DOCK1: variants seen among roughly 807,000 people sequenced by gnomAD.
DOCK1 encodes the protein dedicator of cytokinesis protein 1.
A neutral mutation model predicts 262.7 loss-of-function variants in DOCK1; 138 were observed. That is an observed-to-expected ratio of 0.53 (90% confidence interval 0.46 to 0.61). DOCK1 has a LOEUF of 0.61. Among genes scored for constraint, DOCK1 ranks in the 20% least tolerant of loss-of-function variants. The probability of loss-of-function intolerance (pLI) is 0.00; values close to 1 mark genes in which losing one functional copy is unlikely to be tolerated. For synonymous variants in DOCK1, 866 were observed against 867.4 expected, an observed-to-expected ratio of 1.00 and a Z score of 0.03; for missense variants, 1,908 against 2,370.7, an observed-to-expected ratio of 0.80 and a Z score of 4.05.
chr10:127,400,618 T>G (rs2067166341), intron 38 of DOCK1, among the ~76,000 whole-genome samples: 1 of 152,226 alleles, frequency 6.6e-6, no homozygotes, highest in Non-Finnish European at 1.5e-5. Flanking sequence ...AAAATGGGTA[T>G]AATGCAGATG....
chr10:126,999,198 T>C (rs1278761749), intron 8 of DOCK1, among the ~76,000 whole-genome samples, 156 bp from the exon 9 acceptor site: 1 of 152,188 alleles, frequency 6.6e-6, no homozygotes, highest in Non-Finnish European at 1.5e-5. Flanking sequence ...GGATGTTAAT[T>C]GATGAGTAGC....
intron 1 of DOCK1, among the ~76,000 whole-genome samples, chr10:126,938,039 C>T (rs2097994166): frequency 1.3e-5 from 2 of 148,896 alleles, no homozygotes; most frequent in Admixed American, 6.8e-5. Context: ...TAGAAGAGTC[C>T]AGCTTCATCT....
chr10:127,182,933 C>G (rs1288313759), intron 27 of DOCK1, among the ~76,000 whole-genome samples: 2 of 152,102 alleles, frequency 1.3e-5, no homozygotes, highest in Non-Finnish European at 2.9e-5. Context: ...TGGGGCCCAT[C>G]AGAGGCGGGA....
rs115961615 is a variant in DOCK1 at position 126,915,740 on chromosome 10, C to T, written c.46+10177C>T. Among the ~76,000 whole-genome samples the T allele has an allele frequency of 8.6e-3, 1,310 of 152,246 alleles. 10 individuals are homozygous for T. Among genetic ancestry groups the T allele is most frequent in the African/African-American group, 0.028 (1,160 of 41,520 alleles). Reference sequence around the variant, plus strand: ...TGCTGGGATTACAGGCGTGAGCCACCGTGCCTGGCCTCAGTGTGTCCTGTC... The same window carrying T: ...TGCTGGGATTACAGGCGTGAGCCACTGTGCCTGGCCTCAGTGTGTCCTGTC... On this transcript the variant is annotated intron_variant, in intron 1 of 51. Coordinates refer to ENST00000623213, the MANE Select transcript of DOCK1 (RefSeq NM_001290223.2).
intron 16 of DOCK1, among the ~76,000 whole-genome samples, chr10:127,028,924 C>A (rs1225661757): frequency 6.6e-6 from 1 of 152,120 alleles, no homozygotes; most frequent in African/African-American, 2.4e-5. Flanking sequence ...ACCTTGAGGC[C>A]CACGGAGGAA....
At chr10:127,419,876 G>A (rs2068395738) in intron 46 of DOCK1, 127 bp downstream of exon 46, 2 of 1,012,916 alleles carry the variant, frequency 2.0e-6, no homozygotes, top group Non-Finnish European at 2.9e-6. Context: ...GGCTGTGATT[G>A]TCCCTGGGTG....
At chr10:127,097,991 C>G (rs1415321539) in intron 23 of DOCK1, among the ~76,000 whole-genome samples, 1 of 152,182 alleles carries the variant, frequency 6.6e-6, no homozygotes, top group African/African-American at 2.4e-5. Flanking sequence ...GGGGACATCC[C>G]ACGGACTTTG....
At chr10:127,261,223 G>T (rs529983997) in intron 29 of DOCK1, among the ~76,000 whole-genome samples, 2 of 59,366 alleles carry the variant, frequency 3.4e-5, no homozygotes, top group South Asian at 7.9e-4. Context: ...GTGTGTGCAT[G>T]TGGGTGTGCG....
In DOCK1 at chr10:127,256,762, C is replaced by T. The variant is rs116536137; in HGVS notation, c.2950-573C>T. Among the ~76,000 whole-genome samples the T allele has an allele frequency of 5.5e-3, 834 of 152,284 alleles. 5 individuals are homozygous for T. Among genetic ancestry groups the T allele is most frequent in the African/African-American group, 0.019 (796 of 41,562 alleles). On this transcript the variant is annotated intron_variant, in intron 28 of 51. Transcript: ENST00000623213. ...ATCATCTAAGACATCAGAAGCATAA[C>T]TCGGTAGCTTTTGGGGATGTAGCTG...
chr10:127,133,470 C>A (rs955768656), intron 27 of DOCK1, among the ~76,000 whole-genome samples: 2 of 152,132 alleles, frequency 1.3e-5, no homozygotes, highest in African/African-American at 4.8e-5. Context: ...AATAAACCTG[C>A]CTGCTTTCAG....
intron 27 of DOCK1, among the ~76,000 whole-genome samples, chr10:127,244,744 T>C (rs984702733): frequency 1.3e-5 from 2 of 152,188 alleles, no homozygotes; most frequent in African/African-American, 4.8e-5. Flanking sequence ...ATAAGGAATA[T>C]GTCTTATTTT....
chr10:126,931,092 C>A (rs2034153195), intron 1 of DOCK1, among the ~76,000 whole-genome samples: 1 of 152,044 alleles, frequency 6.6e-6, no homozygotes, highest in African/African-American at 2.4e-5. Flanking sequence ...GCTGCACGCC[C>A]ACCGAGCCAG....
chr10:127,301,164 G>C (rs1193230296), intron 29 of DOCK1, among the ~76,000 whole-genome samples: 3 of 152,176 alleles, frequency 2.0e-5, no homozygotes, highest in Non-Finnish European at 2.9e-5. Flanking sequence ...GTGAGAACTG[G>C]GCAGGCATCG....
intron 13 of DOCK1, among the ~76,000 whole-genome samples, chr10:127,019,842 C>T (rs1340970252): frequency 2.0e-5 from 3 of 152,186 alleles, no homozygotes; most frequent in Admixed American, 6.5e-5. Flanking sequence ...AGCCTAAAGT[C>T]GCTCAGCTAA....
Position 127,431,221 on chromosome 10 carries a change from C to T in DOCK1, c.4915-2062C>T, listed in dbSNP as rs377420108. Among the ~76,000 whole-genome samples, 20 of 152,336 alleles carry T rather than the reference C, an allele frequency of 1.3e-4. No individual in the cohort carries two copies. The East Asian group carries it at 2.7e-3, about 21-fold the overall frequency. On this transcript the variant is annotated intron_variant, in intron 47 of 51. Transcript: ENST00000623213. The stretch of plus-strand genomic sequence containing the variant: ...ACAGTGTCTGGCCGTGGAGTCCCAC[C>T]TCCCAGGACTGGTTGAGACCCTAAT...
intron 27 of DOCK1, among the ~76,000 whole-genome samples, chr10:127,168,011 A>G (rs983366448): frequency 1.3e-5 from 2 of 152,098 alleles, no homozygotes; most frequent in South Asian, 4.1e-4. Context: ...TTTGTCCATA[A>G]TTCATTTCAT....
chr10:127,396,968 T>A (rs1278562512), intron 38 of DOCK1, among the ~76,000 whole-genome samples: 93 of 96,480 alleles, frequency 9.6e-4, no homozygotes, highest in South Asian at 1.5e-3. Context: ...ACGGGCAGCG[T>A]CTCCTGTGAT....
chr10:127,132,220 T>C (rs1032213500), intron 27 of DOCK1, among the ~76,000 whole-genome samples: 1 of 152,252 alleles, frequency 6.6e-6, no homozygotes, highest in African/African-American at 2.4e-5. Flanking sequence ...AGTTGTATAT[T>C]GTTTGCTTTA....
chr10:127,014,435 T>C (rs1466144491), intron 12 of DOCK1, among the ~76,000 whole-genome samples: 1 of 139,006 alleles, frequency 7.2e-6, no homozygotes, highest in Non-Finnish European at 1.5e-5. Context: ...ATAAATTTAA[T>C]GTGTCACTAG....
Sources: gnomAD v4.1 joint callset for allele counts (sites outside exome capture counted in the v4.1 genomes callset) on GRCh38, gnomAD v4.1.1 for gene constraint, MANE v1.5 for transcripts, NCBI Gene and HGNC (gene_info 2026-07-23, HGNC 2026-07-21) for gene names.